Variants in GLB1L3 observed in about 807,000 individuals in gnomAD.
GLB1L3 encodes beta-galactosidase-1-like protein 3.
In GLB1L3, 89 loss-of-function variants were observed where a neutral mutation model predicts 89.5. That is an observed-to-expected ratio of 0.99 (90% CI 0.84 to 1.19). The LOEUF (loss-of-function observed/expected upper bound fraction) is 1.19, where lower values mean the gene tolerates loss of function less well. Ranked by LOEUF, GLB1L3 falls within the 50% of genes most tolerant of loss-of-function variation. GLB1L3 has a pLI of 0.00. For missense variants in GLB1L3, 812 were observed against 813.3 expected (o/e 1.00, Z 0.02); for synonymous variants, 314 against 312.3 (o/e 1.01, Z -0.06).
chr11:134,277,751 A>G lies in GLB1L3; in HGVS notation c.201A>G (p.Gly67=). 6.2e-7 allele frequency: 1 copy of G among 1,613,456 alleles called. No individual in the cohort carries two copies. The change falls in exon 3 of 20, where the codon GGA becomes GGG. Residue 67 remains glycine (G), a synonymous_variant. Coordinates refer to ENST00000431683, the MANE Select transcript of GLB1L3 (RefSeq NM_001080407.3). ...TPLELKNRSV[G]LGTESTGRGK... is the part of the protein sequence containing the mutation. ...TGGAGCTGAAGAATCGATCTGTGGG[A>G]CTTGGAACTGAAAGCACAGGTCGGG... is the stretch of plus-strand genomic sequence containing the variant.
intron 9 of GLB1L3, among the ~76,000 whole-genome samples, chr11:134,300,637 A>T (rs763546567): frequency 2.0e-4 from 30 of 152,020 alleles, no homozygotes; most frequent in Non-Finnish European, 3.4e-4. Context: ...CCCGGCCCCT[A>T]TTGACCACAT....
downstream of GLB1L3, among the ~76,000 whole-genome samples, chr11:134,319,978 G>A (rs1943143619): frequency 6.6e-6 from 1 of 151,996 alleles, no homozygotes; most frequent in Admixed American, 6.6e-5. Context: ...CTATAGTCAA[G>A]GCTACTACTG....
chr11:134,305,161 C>T lies in GLB1L3; in HGVS notation c.877-1963C>T, dbSNP rs974722925. On this transcript the variant is annotated intron_variant, in intron 9 of 19. Coordinates refer to ENST00000431683, the MANE Select transcript of GLB1L3 (RefSeq NM_001080407.3). The stretch of plus-strand genomic sequence containing the variant: ...CTGCTCTCAGATGCCTCACAAGCAG[C>T]AACTTCTTCCTCCTTATAGTTCTTA... 19 of 1,342,024 alleles carry T rather than the reference C, an allele frequency of 1.4e-5. No homozygotes were observed. In the Middle Eastern group the frequency reaches 7.1e-4, roughly 50 times the overall value. The allele number at this position is 1,342,024 out of a possible 1,614,324, so 83.1% of individuals were successfully genotyped here. A position where few individuals can be genotyped will look rare whatever the true frequency, so the allele number is the denominator to read the frequency against.
chr11:134,319,577 A>G (rs1033733759), downstream of GLB1L3: 4 of 152,136 alleles, frequency 2.6e-5, no homozygotes, highest in African/African-American at 9.7e-5. Flanking sequence ...TCTGCCTCCC[A>G]TACTCAATTG....
chr11:134,312,527 C>T (rs764462812), intron 14 of GLB1L3, 38 bp downstream of exon 14: 6 of 1,602,726 alleles, frequency 3.7e-6, no homozygotes, highest in African/African-American at 2.7e-5. Context: ...AAGCAAAGTG[C>T]ATCACCTCCC....
chr11:134,308,563 C>T (rs1249106818), intron 10 of GLB1L3, among the ~76,000 whole-genome samples: 25 of 138,954 alleles, frequency 1.8e-4, no homozygotes, highest in Middle Eastern at 3.8e-3. Context: ...CCATCACCAC[C>T]ACCACCACCA....
intron 16 of GLB1L3, 147 bp from the exon 17 acceptor site, chr11:134,313,794 A>G: frequency 1.5e-6 from 1 of 658,564 alleles, no homozygotes; most frequent in African/African-American, 1.8e-5. Context: ...AGAACCCTTC[A>G]GTCACAGCAG....
At chr11:134,294,770 C>T (rs764937550) in intron 9 of GLB1L3, among the ~76,000 whole-genome samples, 5 of 152,204 alleles carry the variant, frequency 3.3e-5, no homozygotes, top group African/African-American at 4.8e-5. Context: ...TTTCACACAG[C>T]GTGGTGTTTC....
At chr11:134,314,117 T>TAG in intron 17 of GLB1L3, 89 bp downstream of exon 17, 1 of 932,730 alleles carries the variant, frequency 1.1e-6, no homozygotes, top group East Asian at 2.6e-5. Flanking sequence ...GAGTCCAAGA[T>TAG]AGAGACTGAG....
At position 134,276,690 on chromosome 11, in the gene GLB1L3, C is replaced by T; in HGVS notation, c.-51C>T. On this transcript the variant is annotated 5_prime_UTR_variant, in exon 1 of 20. Coordinates refer to ENST00000431683, the MANE Select transcript of GLB1L3 (RefSeq NM_001080407.3). Reference sequence around the variant, plus strand: ...GGCCCGAGCGCGGCGTCGGGGCCAGCGGAGAGGGGCGGAAGCCGCAAGGGA... The same window carrying T: ...GGCCCGAGCGCGGCGTCGGGGCCAGTGGAGAGGGGCGGAAGCCGCAAGGGA... The T allele has an allele frequency of 2.1e-6, 3 of 1,400,964 alleles. No individual in the cohort carries two copies. The highest frequency in any genetic ancestry group is 1.5e-5 in the South Asian group (1 of 66,004). The allele number at this position is 1,400,964 out of a possible 1,614,324, so 86.8% of individuals were successfully genotyped here.
At chr11:134,293,940 G>A (rs1038998489) in intron 9 of GLB1L3, among the ~76,000 whole-genome samples, 8 of 152,104 alleles carry the variant, frequency 5.3e-5, no homozygotes, top group African/African-American at 1.9e-4. Flanking sequence ...CTCCCTTGAG[G>A]GCCTTCCTTC....
rs1565402709 is a variant in GLB1L3, at chr11:134,296,866, A to AT, written c.876+3657_876+3658insT. Among the ~76,000 whole-genome samples the AT allele has an allele frequency of 8.9e-3, 1,029 of 116,032 alleles. 12 individuals carry two copies. The highest frequency in any genetic ancestry group is 0.028 in the African/African-American group (901 of 32,436). 76.1% of individuals were successfully genotyped at this position (116,032 alleles called of 152,430 possible). On this transcript the variant is annotated intron_variant, in intron 9 of 19. Coordinates refer to ENST00000431683, the MANE Select transcript of GLB1L3 (RefSeq NM_001080407.3). ...TAATAATAATAATAATAATAATAAA[A>AT]ACAAACAAACAAAAAAAGAAAATAA...
At chr11:134,324,938 C>T in the GLB1L3 span, among the ~76,000 whole-genome samples, 1 of 151,906 alleles carries the variant, frequency 6.6e-6, no homozygotes, top group East Asian at 1.9e-4. Flanking sequence ...AAAATGTTTA[C>T]ATATTTTATA....
chr11:134,322,665 C>T (rs1943181447), downstream of GLB1L3, among the ~76,000 whole-genome samples: 1 of 152,138 alleles, frequency 6.6e-6, no homozygotes, highest in East Asian at 1.9e-4. Flanking sequence ...AAAGTGGAAT[C>T]GAATATGTGA....
At chr11:134,293,470 A>G (rs1017718229) in intron 9 of GLB1L3, among the ~76,000 whole-genome samples, 1 of 152,092 alleles carries the variant, frequency 6.6e-6, no homozygotes, top group Non-Finnish European at 1.5e-5. Context: ...AGAGGGAGAC[A>G]ATGTTCCCTT....
chr11:134,315,998 T>TA (rs1942962804), intron 18 of GLB1L3, among the ~76,000 whole-genome samples: 2 of 152,212 alleles, frequency 1.3e-5, no homozygotes. Flanking sequence ...TTACATAACA[T>TA]AAAATTAGTT....
chr11:134,300,560 T>C (rs982248657), intron 9 of GLB1L3, among the ~76,000 whole-genome samples: 1 of 151,878 alleles, frequency 6.6e-6, no homozygotes, highest in African/African-American at 2.4e-5. Flanking sequence ...GGTCTCTATC[T>C]CCTGACCTCA....
At chr11:134,318,129 A>G (rs1003209830) in intron 18 of GLB1L3, among the ~76,000 whole-genome samples, 2 of 152,192 alleles carry the variant, frequency 1.3e-5, no homozygotes, top group African/African-American at 4.8e-5. Flanking sequence ...GAAGCATTTC[A>G]GAGACTCCAA....
intron 9 of GLB1L3, among the ~76,000 whole-genome samples, chr11:134,304,397 CT>C (rs1378516559): frequency 3.9e-5 from 6 of 152,124 alleles, no homozygotes; most frequent in African/African-American, 1.4e-4. Flanking sequence ...TTGATCATAT[CT>C]TTAAATATGT....
Sources: gnomAD v4.1 joint callset for allele counts (sites outside exome capture counted in the v4.1 genomes callset) on GRCh38, gnomAD v4.1.1 for gene constraint, MANE v1.5 for transcripts, NCBI Gene and HGNC (gene_info 2026-07-23, HGNC 2026-07-21) for gene names.